POMZP3: variants seen among roughly 807,000 people sequenced by gnomAD.
POMZP3 encodes the protein POM121 and ZP3 fusion protein.
In POMZP3, 10 loss-of-function variants were observed where a neutral mutation model predicts 19.8. That is an observed-to-expected ratio of 0.51 (90% CI 0.31 to 0.86). The LOEUF is 0.86. POMZP3 is among the 40% of genes least tolerant of loss of function. The pLI, the probability that POMZP3 is intolerant of heterozygous loss-of-function variation, is 0.04. For missense variants in POMZP3, 152 were observed against 228.1 expected (o/e 0.67, Z 2.15); for synonymous variants, 57 against 85.8 (o/e 0.66, Z 1.85).
At chr7:76,621,349 T>G (rs1433886998) in intron 3 of POMZP3, 1 of 147,108 alleles carries the variant, frequency 6.8e-6, no homozygotes, top group Non-Finnish European at 1.5e-5. Flanking sequence ...TGCTTCTGCT[T>G]GGGTTTTCAT....
In POMZP3 at chr7:76,613,900, A is replaced by G. The variant is rs1258846854; in HGVS notation, c.346-2087T>C. Among the ~76,000 whole-genome samples the G allele has an allele frequency of 1.3e-4, 11 of 85,346 alleles. 3 individuals carry two copies. The East Asian group carries it at 3.0e-3, about 23-fold the overall frequency. 56.0% of individuals were successfully genotyped at this position (85,346 alleles called of 152,430 possible). On this transcript the variant is annotated intron_variant, in intron 4 of 6. Transcript: ENST00000310842. ...CCCGTCCCCAGGTCAGTTTCCCTTC[A>G]TATTTCAGGCAGGGCTAAAATTCCT...
In POMZP3 at chr7:76,617,386, T is replaced by G. The variant is rs200666674; in HGVS notation, c.345+797A>C. Among the ~76,000 whole-genome samples the G allele has an allele frequency of 8.1e-5, 7 of 86,372 alleles. 2 individuals carry two copies. 56.7% of individuals were successfully genotyped at this position (86,372 alleles called of 152,430 possible). A position where few individuals can be genotyped will look rare whatever the true frequency, so the allele number is the denominator to read the frequency against. ...AGCCATTAGGCAGTTCCCATCTTCATTCCTTCCTTCTCCTTCCCTCTTAGT... is the reference window on the plus strand; with the variant it reads ...AGCCATTAGGCAGTTCCCATCTTCAGTCCTTCCTTCTCCTTCCCTCTTAGT... On this transcript the variant is annotated intron_variant, in intron 4 of 6. Coordinates refer to ENST00000310842, the MANE Select transcript of POMZP3 (RefSeq NM_012230.5).
intron 3 of POMZP3, 50 bp downstream of exon 3, chr7:76,625,472 C>T: frequency 6.3e-7 from 1 of 1,596,524 alleles, no homozygotes; most frequent in South Asian, 1.1e-5. Context: ...CATCTCATCC[C>T]ATAGGAGTCC....
intron 3 of POMZP3, among the ~76,000 whole-genome samples, chr7:76,623,041 A>G (rs1414973199): frequency 6.6e-6 from 1 of 150,768 alleles, no homozygotes; most frequent in South Asian, 2.1e-4. Flanking sequence ...GCTAATTTTC[A>G]TATTTTGTTT....
chr7:76,620,515 C>G (rs559099167), intron 3 of POMZP3, among the ~76,000 whole-genome samples: 2 of 150,752 alleles, frequency 1.3e-5, no homozygotes, highest in South Asian at 2.1e-4. Flanking sequence ...CTTGCCCAAG[C>G]TAGAGTGCAA....
In POMZP3 at chr7:76,613,507, C is replaced by CTT. The variant is rs1193493149; in HGVS notation, c.346-1696_346-1695dup. Among the ~76,000 whole-genome samples, 172 of 67,400 alleles carry CTT rather than the reference C, an allele frequency of 2.6e-3. 34 individuals are homozygous for CTT. Among genetic ancestry groups the CTT allele is most frequent in the African/African-American group, 4.2e-3 (59 of 13,950 alleles). 44.2% of individuals were successfully genotyped at this position (67,400 alleles called of 152,430 possible). ...ACCCTGTAAGCACTGCCCCCCTACC[C>CTT]TTTTTTTTTTTTTTTTTTCTGAGAC... On this transcript the variant is annotated intron_variant, in intron 4 of 6. Coordinates refer to ENST00000310842, the MANE Select transcript of POMZP3 (RefSeq NM_012230.5).
chr7:76,620,581 C>G (rs1815497599), intron 3 of POMZP3, among the ~76,000 whole-genome samples: 1 of 151,584 alleles, frequency 6.6e-6, no homozygotes, highest in Admixed American at 6.6e-5. Context: ...GATTCTCCTG[C>G]CTCAGCCTCC....
chr7:76,617,628 G>A lies in POMZP3; in HGVS notation c.345+555C>T, dbSNP rs544874539. 4.0e-3 allele frequency among the ~76,000 whole-genome samples: 389 copies of A among 96,986 alleles called. 38 individuals carry two copies. The East Asian group carries it at 0.086, about 22-fold the overall frequency. 63.6% of individuals were successfully genotyped at this position (96,986 alleles called of 152,430 possible). A position where few individuals can be genotyped will look rare whatever the true frequency, so the allele number is the denominator to read the frequency against. ...AAGTTCAAGAAGCCACCCTGGCTAC[G>A]AAGTTCACACTGGTTTTCTTTGCCC... On this transcript the variant is annotated intron_variant, in intron 4 of 6. Coordinates refer to ENST00000310842, the MANE Select transcript of POMZP3 (RefSeq NM_012230.5).
At chr7:76,619,000 T>C (rs962305669) in intron 3 of POMZP3, among the ~76,000 whole-genome samples, 9 of 152,058 alleles carry the variant, frequency 5.9e-5, no homozygotes, top group African/African-American at 2.2e-4. Context: ...ATTGCCCAAG[T>C]TGGTCTCAAA....
At chr7:76,610,767 A>C (rs1815051313) in intron 6 of POMZP3, among the ~76,000 whole-genome samples, 1 of 148,842 alleles carries the variant, frequency 6.7e-6, no homozygotes, top group Non-Finnish European at 1.5e-5. Flanking sequence ...GGGTCTTGCT[A>C]TGTTGCCCAG....
At position 76,625,657 on chromosome 7, in the gene POMZP3, A is replaced by C; in HGVS notation, c.92T>G (p.Leu31Arg). The C allele has an allele frequency of 6.2e-7, 1 of 1,613,878 alleles. No homozygotes were observed. Among genetic ancestry groups the C allele is most frequent in the Non-Finnish European group, 8.5e-7 (1 of 1,179,840 alleles). The change falls in exon 3 of 7, where the codon CTG (leucine) becomes CGG (arginine). Residue 31 changes from leucine to arginine, a missense_variant. Physicochemically the swap from Leu to Arg is moderately radical, Grantham distance 102. Transcript: ENST00000310842. ...AIPEQIISST[L>R]SSPSSNAPDP... ...TGGGGCATTACTTGATGGTGAGGAC[A>C]GTGTTGAGCTGATTATCTGCTCTGG...
chr7:76,615,829 A>G (rs1189996987), intron 4 of POMZP3, among the ~76,000 whole-genome samples: 1 of 85,304 alleles, frequency 1.2e-5, no homozygotes, highest in African/African-American at 6.6e-5. Flanking sequence ...CTAAAAATAT[A>G]ACAGGCACTC....
At position 76,626,537 on chromosome 7, in the gene POMZP3, C is replaced by G. The variant is rs186183792; in HGVS notation, c.-152+171G>C. 2.4e-5 allele frequency: 15 copies of G among 625,804 alleles called. No homozygotes were observed. In the African/African-American group the frequency reaches 2.4e-4, roughly 10 times the overall value. 38.8% of individuals were successfully genotyped at this position (625,804 alleles called of 1,614,324 possible). ...AATCGTTTTGGCAACACATCTCACA[C>G]CAAGCAAGAGTCAGAGGCCAGGAGA... On this transcript the variant is annotated intron_variant, in intron 1 of 6. Transcript: ENST00000310842.
intron 3 of POMZP3, among the ~76,000 whole-genome samples, chr7:76,618,873 G>C (rs28656918): frequency 0.015 from 2,245 of 151,670 alleles, 35 homozygotes; most frequent in South Asian, 0.046. Flanking sequence ...CTGCAGCCTC[G>C]ACCTCCTGGG....
At position 76,626,867 on chromosome 7, in the gene POMZP3, G is replaced by C. The variant is rs1197515145; in HGVS notation, c.-311C>G. The C allele has an allele frequency of 1.3e-5, 18 of 1,401,968 alleles. No individual in the cohort carries two copies. The highest frequency in any genetic ancestry group is 1.7e-5 in the Non-Finnish European group (18 of 1,087,714). The allele number at this position is 1,401,968 out of a possible 1,614,324, so 86.8% of individuals were successfully genotyped here. On this transcript the variant is annotated 5_prime_UTR_variant, in exon 1 of 7. Coordinates refer to ENST00000310842, the MANE Select transcript of POMZP3 (RefSeq NM_012230.5). ...CGCAGGTCCTGGCCCTCCGGAGCGG[G>C]GGCGGGCTGCGGCGGCCCGGGCTTG...
rs183845973 is a variant in POMZP3, at chr7:76,619,249, G to A, written c.228-949C>T. ...CTAAAAATACAAAAATTAGCCAGGC[G>A]TGGTGGCATGCGCCTGTAATCCCAG... On this transcript the variant is annotated intron_variant, in intron 3 of 6. Coordinates refer to ENST00000310842, the MANE Select transcript of POMZP3 (RefSeq NM_012230.5). 6.3e-3 allele frequency among the ~76,000 whole-genome samples: 954 copies of A among 152,228 alleles called. 14 individuals carry two copies. The highest frequency in any genetic ancestry group is 0.022 in the African/African-American group (914 of 41,542).
intron 4 of POMZP3, among the ~76,000 whole-genome samples, chr7:76,613,462 C>CA (rs1554650706): frequency 6.3e-5 from 8 of 127,788 alleles, no homozygotes; most frequent in Non-Finnish European, 1.2e-4. Context: ...GGACCCCCCC[C>CA]ACCCAGGGAA....
At chr7:76,625,901 C>T (rs978538344) in intron 2 of POMZP3, 99 bp downstream of exon 2, 61 of 1,546,938 alleles carry the variant, frequency 3.9e-5, no homozygotes, top group Non-Finnish European at 4.9e-5. Flanking sequence ...CAGATTCGTC[C>T]TTTCTTTTTT....
intron 3 of POMZP3, among the ~76,000 whole-genome samples, chr7:76,623,268 CTT>C (rs376126933): frequency 0.013 from 1,923 of 151,710 alleles, 83 homozygotes; most frequent in East Asian, 0.13. Context: ...TCTTATGACT[CTT>C]TAATGTCAGA....
Sources: gnomAD v4.1 joint callset for allele counts (sites outside exome capture counted in the v4.1 genomes callset) on GRCh38, gnomAD v4.1.1 for gene constraint, MANE v1.5 for transcripts, NCBI Gene and HGNC (gene_info 2026-07-23, HGNC 2026-07-21) for gene names.